Variants in PCDHA10 observed in about 807,000 individuals in gnomAD.
PCDHA10 encodes the protein protocadherin alpha-10.
A neutral mutation model predicts 61.2 loss-of-function variants in PCDHA10; 45 were observed. The ratio of observed to expected loss-of-function variants is 0.74; its 90% CI spans 0.58 to 0.94. The LOEUF (loss-of-function observed/expected upper bound fraction) is 0.94. Among genes scored for constraint, PCDHA10 ranks in the 40% least tolerant of loss-of-function variants. PCDHA10 has a pLI of 0.00. For synonymous variants in PCDHA10, 602 were observed against 548.8 expected (o/e 1.10, Z -1.35); for missense variants, 1,278 against 1,236.2 (o/e 1.03, Z -0.51).
intron 1 of PCDHA10, among the ~76,000 whole-genome samples, chr5:140,895,738 C>A (rs1554186621): frequency 6.6e-6 from 1 of 152,108 alleles, no homozygotes; most frequent in Non-Finnish European, 1.5e-5. Context: ...CAATGGGCTG[C>A]AAAGGGCATG....
chr5:140,996,837 G>A (rs1382866699), intron 3 of PCDHA10, among the ~76,000 whole-genome samples: 7 of 151,992 alleles, frequency 4.6e-5, no homozygotes, highest in African/African-American at 7.3e-5. Flanking sequence ...ATAATTTAGC[G>A]TGCATCTTCA....
chr5:140,898,673 G>A (rs1378652105), intron 1 of PCDHA10, among the ~76,000 whole-genome samples: 1 of 152,170 alleles, frequency 6.6e-6, no homozygotes, highest in Non-Finnish European at 1.5e-5. Flanking sequence ...GGTGTTGCGG[G>A]CTGTTTTTTG....
chr5:140,941,243 CTT>C (rs782176516), intron 1 of PCDHA10, among the ~76,000 whole-genome samples: 1 of 131,826 alleles, frequency 7.6e-6, no homozygotes, highest in Non-Finnish European at 1.6e-5. Flanking sequence ...TTCTTTCTTT[CTT>C]TCTTTCTTTC....
Position 141,000,581 on chromosome 5 carries a change from C to G in PCDHA10, c.2537-9046C>G, listed in dbSNP as rs960660351. On this transcript the variant is annotated intron_variant, in intron 3 of 3. Transcript: ENST00000307360. ...TAGCTGGGATTACAGGTGCCTGCCA[C>G]CATGCCCAGCTAATTTTTGTATTTT... is the stretch of plus-strand genomic sequence containing the variant. 2.0e-5 allele frequency among the ~76,000 whole-genome samples: 3 copies of G among 150,722 alleles called. No individual in the cohort carries two copies. In the East Asian group the frequency reaches 5.8e-4, roughly 29 times the overall value.
intron 1 of PCDHA10, among the ~76,000 whole-genome samples, chr5:140,955,670 T>C (rs1212129993): frequency 6.6e-6 from 1 of 152,140 alleles, no homozygotes; most frequent in East Asian, 1.9e-4. Flanking sequence ...TTTAACATAG[T>C]TTTTTCGAAA....
intron 1 of PCDHA10, among the ~76,000 whole-genome samples, chr5:140,943,763 G>T (rs2093562574): frequency 6.6e-6 from 1 of 152,122 alleles, no homozygotes; most frequent in Admixed American, 6.5e-5. Context: ...GGAGATGTAG[G>T]AAAAAAACTA....
At chr5:140,876,861 C>T (rs2056651575) in intron 1 of PCDHA10, 6 of 1,613,970 alleles carry the variant, frequency 3.7e-6, no homozygotes, top group African/African-American at 1.3e-5. Context: ...ACACAGTGTT[C>T]GTGAAGGAGA....
In PCDHA10 at chr5:140,858,841, A is replaced by G. The variant is rs1390112804; in HGVS notation, c.2388+405A>G. The G allele has an allele frequency of 1.6e-5, 5 of 314,504 alleles. No homozygotes were observed. The East Asian group carries it at 3.7e-4, about 23-fold the overall frequency. 19.5% of individuals were successfully genotyped at this position (314,504 alleles called of 1,614,324 possible). A position where few individuals can be genotyped will look rare whatever the true frequency, so the allele number is the denominator to read the frequency against. ...TGTATTTGCATTACCAAAAAATTCC[A>G]CTGATCTATATCTCTTCAGTGAAAA... On this transcript the variant is annotated intron_variant, in intron 1 of 3. Coordinates refer to ENST00000307360, the MANE Select transcript of PCDHA10 (RefSeq NM_018901.4).
chr5:140,941,639 TC>T (rs2093135030), intron 1 of PCDHA10, among the ~76,000 whole-genome samples: 1 of 152,044 alleles, frequency 6.6e-6, no homozygotes, highest in Non-Finnish European at 1.5e-5. Context: ...ATTTCTGTCT[TC>T]CTACAACTTA....
intron 1 of PCDHA10, among the ~76,000 whole-genome samples, chr5:140,961,393 G>C (rs1224822152): frequency 6.6e-6 from 1 of 152,104 alleles, no homozygotes; most frequent in African/African-American, 2.4e-5. Context: ...TATTCCATTA[G>C]TAAACACTTT....
intron 1 of PCDHA10, among the ~76,000 whole-genome samples, chr5:140,922,233 A>T (rs1226444776): frequency 6.6e-6 from 1 of 152,220 alleles, no homozygotes; most frequent in Non-Finnish European, 1.5e-5. Flanking sequence ...CTCAACCATG[A>T]TGTGTATGAA....
At chr5:140,877,414 C>T (rs1554169712) in intron 1 of PCDHA10, 22 of 1,613,930 alleles carry the variant, frequency 1.4e-5, no homozygotes, top group Non-Finnish European at 1.8e-5. Context: ...CCACCGCCTG[C>T]TGGTGCTGGT....
chr5:140,873,149 T>C (rs2054128037), intron 1 of PCDHA10, among the ~76,000 whole-genome samples: 1 of 152,218 alleles, frequency 6.6e-6, no homozygotes, highest in Non-Finnish European at 1.5e-5. Flanking sequence ...AGCCTATTCA[T>C]AGACTTTAGA....
At chr5:140,888,018 T>A (rs557919672) in intron 1 of PCDHA10, among the ~76,000 whole-genome samples, 1 of 152,360 alleles carries the variant, frequency 6.6e-6, no homozygotes, top group South Asian at 2.1e-4. Context: ...TTTATCTATA[T>A]GTTTGAGCAT....
At chr5:140,924,901 A>AAAAATAAAAT (rs10667761) in intron 1 of PCDHA10, among the ~76,000 whole-genome samples, 205 of 80,488 alleles carry the variant, frequency 2.5e-3, no homozygotes, top group South Asian at 0.019. Flanking sequence ...TCTCAAAAAA[A>AAAAATAAAAT]AAAATAAAAT....
chr5:140,912,612 A>T (rs1286245692), intron 1 of PCDHA10, among the ~76,000 whole-genome samples: 1 of 151,994 alleles, frequency 6.6e-6, no homozygotes, highest in South Asian at 2.1e-4. Context: ...CTCTTGTCTG[A>T]TTACTCTGGA....
intron 1 of PCDHA10, chr5:140,929,861 G>C (rs2086430114): frequency 6.5e-6 from 1 of 153,628 alleles, no homozygotes; most frequent in Admixed American, 6.5e-5. Context: ...AGTCAGAGAA[G>C]GCTTTGTGAT....
At chr5:140,976,148 C>T (rs1563445972) in intron 1 of PCDHA10, among the ~76,000 whole-genome samples, 1 of 152,160 alleles carries the variant, frequency 6.6e-6, no homozygotes, top group Non-Finnish European at 1.5e-5. Flanking sequence ...AACTCATGTA[C>T]ATTTTACTAC....
intron 1 of PCDHA10, chr5:140,968,014 A>G: frequency 6.2e-7 from 1 of 1,614,194 alleles, no homozygotes; most frequent in Non-Finnish European, 8.5e-7. Flanking sequence ...ATGGCTTTGG[A>G]AACTCCTATA....
Sources: gnomAD v4.1 joint callset for allele counts (sites outside exome capture counted in the v4.1 genomes callset) on GRCh38, gnomAD v4.1.1 for gene constraint, MANE v1.5 for transcripts, NCBI Gene and HGNC (gene_info 2026-07-23, HGNC 2026-07-21) for gene names.